Variants in LY6D observed in about 807,000 individuals in gnomAD.
LY6D encodes the protein lymphocyte antigen 6D.
Under a neutral mutation model 5.6 loss-of-function variants are expected in LY6D, and 7 were observed. That is an observed-to-expected ratio of 1.24 (90% confidence interval 0.71 to 2.34). LY6D has a LOEUF of 2.34. Ranked by LOEUF, LY6D falls within the 30% of genes most tolerant of loss-of-function variation. LY6D has a pLI of 0.00. For synonymous variants in LY6D, 81 were observed against 75.0 expected, an observed-to-expected ratio of 1.08 and a Z score of -0.41; for missense variants, 148 against 164.8, an observed-to-expected ratio of 0.90 and a Z score of 0.56.
rs1815640922 is a variant in LY6D at position 142,785,570 on chromosome 8, C to T, written c.151+19G>A. 1 of 1,612,812 alleles carries T rather than the reference C, an allele frequency of 6.2e-7. No homozygotes were observed. The highest frequency in any genetic ancestry group is 1.1e-5 in the South Asian group (1 of 91,048). The stretch of plus-strand genomic sequence containing the variant: ...GGATGTCCCCCAGCCCCAGGGACAC[C>T]TGGACAGATGCTACCCACCTGTGTT... On this transcript the variant is annotated intron_variant, in intron 2 of 2. Transcript: ENST00000301263.
chr8:142,785,400 T>C lies in LY6D; in HGVS notation c.208A>G (p.Ser70Gly). ...CTGACCTGGCCTTGCAGGGTGTAGCTGGGTGTGCACGACTCCGCACAGTCC... is the reference window on the plus strand; with the variant it reads ...CTGACCTGGCCTTGCAGGGTGTAGCCGGGTGTGCACGACTCCGCACAGTCC... ...KKDCAESCTP[S>G]YTLQGQVSSG... Residue 70 changes from serine (S) to glycine (G), a missense_variant, in exon 3 of 3, where the codon AGC (serine) becomes GGC (glycine). Physicochemically the swap from Ser to Gly is moderately conservative, Grantham distance 56. Transcript: ENST00000301263. 4 of 1,613,510 alleles carry C rather than the reference T, an allele frequency of 2.5e-6. No individual in the cohort carries two copies. The highest frequency in any genetic ancestry group is 3.4e-6 in the Non-Finnish European group (4 of 1,179,966).
Position 142,785,588 on chromosome 8 carries a change from C to A in LY6D, c.151+1G>T. On this transcript the variant is annotated splice_donor_variant, in intron 2 of 2. Coordinates refer to ENST00000301263, the MANE Select transcript of LY6D (RefSeq NM_003695.3). LOFTEE classifies it high-confidence loss of function. ...GGGACACCTGGACAGATGCTACCCACCTGTGTTCGTGGTCTTGCAGAAGCG... is the reference window on the plus strand; with the variant it reads ...GGGACACCTGGACAGATGCTACCCAACTGTGTTCGTGGTCTTGCAGAAGCG... The A allele has an allele frequency of 6.2e-7, 1 of 1,613,558 alleles. No homozygotes were observed. Among genetic ancestry groups the A allele is most frequent in the East Asian group, 2.2e-5 (1 of 44,884 alleles).
chr8:142,785,612 C>A lies in LY6D; in HGVS notation c.128G>T (p.Arg43Leu). The A allele has an allele frequency of 6.2e-7, 1 of 1,613,650 alleles. No individual in the cohort carries two copies. Among genetic ancestry groups the A allele is most frequent in the Non-Finnish European group, 8.5e-7 (1 of 1,179,974 alleles). The change falls in exon 2 of 3, where the codon CGC becomes CTC. Residue 43 changes from arginine (R) to leucine (L), a missense_variant. Transcript: ENST00000301263. The stretch of plus-strand genomic sequence containing the variant: ...ACCTGTGTTCGTGGTCTTGCAGAAG[C>A]GAGAGCTGGCCGGGCAGACCACAGA... ...KHSVVCPASS[R>L]FCKTTNTVEP...
intron 1 of LY6D, 27 bp downstream of exon 1, chr8:142,786,438 G>GC: frequency 8.4e-7 from 1 of 1,190,526 alleles, no homozygotes; most frequent in African/African-American, 1.6e-5. Flanking sequence ...CCGCCCACCC[G>GC]CCCGTCCCCT....
Position 142,784,932 on chromosome 8 carries a change from G to C in LY6D, c.*289C>G. On this transcript the variant is annotated 3_prime_UTR_variant, in exon 3 of 3. Coordinates refer to ENST00000301263, the MANE Select transcript of LY6D (RefSeq NM_003695.3). ...TAGAGATTTGAGTACAAAAATAAACGGCAACAAAACAGAAGGAGTGTGAAA... is the reference window on the plus strand; with the variant it reads ...TAGAGATTTGAGTACAAAAATAAACCGCAACAAAACAGAAGGAGTGTGAAA... 2.3e-6 allele frequency: 1 copy of C among 440,258 alleles called. No homozygotes were observed. The highest frequency in any genetic ancestry group is 3.4e-5 in the East Asian group (1 of 29,160). 27.3% of individuals were successfully genotyped at this position (440,258 alleles called of 1,614,324 possible). A position where few individuals can be genotyped will look rare whatever the true frequency, so the allele number is the denominator to read the frequency against.
At position 142,786,445 on chromosome 8, in the gene LY6D, C is replaced by T. The variant is rs771568522; in HGVS notation, c.52+20G>A. On this transcript the variant is annotated intron_variant, in intron 1 of 2. Transcript: ENST00000301263. ...GGCCACAGCCGCCCACCCGCCCGTC[C>T]CCTTGGCCCAGCCCCTCACCTGGCC... The T allele has an allele frequency of 1.3e-6, 2 of 1,534,000 alleles. No homozygotes were observed. Among genetic ancestry groups the T allele is most frequent in the Non-Finnish European group, 1.8e-6 (2 of 1,137,282 alleles).
intron 1 of LY6D, 52 bp downstream of exon 1, chr8:142,786,413 C>T: frequency 6.6e-7 from 1 of 1,516,478 alleles, no homozygotes; most frequent in Non-Finnish European, 8.9e-7. Context: ...TATTTGGTGA[C>T]CACACAGGCC....
intron 1 of LY6D, chr8:142,785,950 G>C: frequency 7.4e-7 from 1 of 1,344,548 alleles, no homozygotes; most frequent in Non-Finnish European, 9.6e-7. Flanking sequence ...TTTCCTCCAA[G>C]GTCTCAGGGA....
At chr8:142,786,338 A>G in intron 1 of LY6D, 127 bp downstream of exon 1, 2 of 1,381,864 alleles carry the variant, frequency 1.4e-6, no homozygotes, top group South Asian at 3.4e-5. Context: ...TTTAAATTTG[A>G]AGAGTCTAGC....
At position 142,785,597 on chromosome 8, in the gene LY6D, G is replaced by A. The variant is rs769479466; in HGVS notation, c.143C>T (p.Thr48Met). The change falls in exon 2 of 3, where the codon ACG (threonine) becomes ATG (methionine). Residue 48 changes from threonine (T) to methionine (M), a missense_variant. Transcript: ENST00000301263. ...CPASSRFCKT[T>M]NTVEPLRGNL... ...GGACAGATGCTACCCACCTGTGTTC[G>A]TGGTCTTGCAGAAGCGAGAGCTGGC... 1.6e-5 allele frequency: 26 copies of A among 1,613,516 alleles called. No homozygotes were observed. The highest frequency in any genetic ancestry group is 8.0e-5 in the African/African-American group (6 of 74,924).
intron 1 of LY6D, 68 bp from the exon 2 acceptor site, chr8:142,785,755 C>T (rs985518654): frequency 2.5e-6 from 4 of 1,586,742 alleles, no homozygotes; most frequent in Non-Finnish European, 1.7e-6. Context: ...AGGGCCTGCT[C>T]CCCCACCTGC....
chr8:142,786,071 C>T, intron 1 of LY6D: 1 of 1,189,402 alleles, frequency 8.4e-7, no homozygotes, highest in East Asian at 4.4e-5. Context: ...CCGGGGGCAG[C>T]CAGCTTGGCT....
At position 142,785,420 on chromosome 8, in the gene LY6D, C is replaced by G; in HGVS notation, c.188G>C (p.Cys63Ser). Residue 63 changes from cysteine (C) to serine (S), a missense_variant, in exon 3 of 3, where the codon TGT becomes TCT. Physicochemically the swap from Cys to Ser is moderately radical, Grantham distance 112. Transcript: ENST00000301263. ...GTAGCTGGGTGTGCACGACTCCGCA[C>G]AGTCCTTCTTCACCAGATTCCCCCT... ...PLRGNLVKKD[C>S]AESCTPSYTL... 1 of 1,613,392 alleles carries G rather than the reference C, an allele frequency of 6.2e-7. No homozygotes were observed. Among genetic ancestry groups the G allele is most frequent in the Non-Finnish European group, 8.5e-7 (1 of 1,179,894 alleles).
chr8:142,785,870 A>G, intron 1 of LY6D, 183 bp from the exon 2 acceptor site: 1 of 1,429,130 alleles, frequency 7.0e-7, no homozygotes, highest in Non-Finnish European at 9.1e-7. Flanking sequence ...CTCAGGGGAC[A>G]TGTATTCCAG....
intron 1 of LY6D, chr8:142,786,142 G>T (rs1483674872): frequency 6.5e-6 from 8 of 1,239,628 alleles, no homozygotes; most frequent in Non-Finnish European, 7.1e-6. Flanking sequence ...CTGTGCTGGG[G>T]GAGACCTGGG....
At position 142,786,487 on chromosome 8, in the gene LY6D, G is replaced by A. The variant is rs1431754881; in HGVS notation, c.30C>T (p.Ala10=). ...CACCTGGCCCTGTAGCCACAGCCAGGGCTGCAAGGAGCAGCAATGCTGTCC... is the reference window on the plus strand; with the variant it reads ...CACCTGGCCCTGTAGCCACAGCCAGAGCTGCAAGGAGCAGCAATGCTGTCC... The part of the protein sequence containing the change: MRTALLLLA[A]LAVATGPALT... The change falls in exon 1 of 3, where the codon GCC becomes GCT. Residue 10 remains alanine, a synonymous_variant. Transcript: ENST00000301263. 4 of 1,548,996 alleles carry A rather than the reference G, an allele frequency of 2.6e-6. No individual in the cohort carries two copies. Among genetic ancestry groups the A allele is most frequent in the Non-Finnish European group, 3.5e-6 (4 of 1,146,056 alleles).
At chr8:142,785,735 G>A in intron 1 of LY6D, 48 bp from the exon 2 acceptor site, 8 of 1,607,506 alleles carry the variant, frequency 5.0e-6, no homozygotes, top group Non-Finnish European at 6.8e-6. Context: ...AGGCCTCCTG[G>A]TGACTCAGCA....
rs1815626965 is a variant in LY6D, at chr8:142,785,148, G to C, written c.*73C>G. 8.0e-7 allele frequency: 1 copy of C among 1,242,796 alleles called. No individual in the cohort carries two copies. The highest frequency in any genetic ancestry group is 2.4e-5 in the Admixed American group (1 of 41,584). 77.0% of individuals were successfully genotyped at this position (1,242,796 alleles called of 1,614,324 possible). A position where few individuals can be genotyped will look rare whatever the true frequency, so the allele number is the denominator to read the frequency against. On this transcript the variant is annotated 3_prime_UTR_variant, in exon 3 of 3. Coordinates refer to ENST00000301263, the MANE Select transcript of LY6D (RefSeq NM_003695.3). The stretch of plus-strand genomic sequence containing the variant: ...TGGGGCTCCTGGCACCCCCGTTGCG[G>C]CTGGGGAAGAGAGGTGTGGAATCCC...
In LY6D at chr8:142,786,336, T is replaced by C. The variant is rs1406499833; in HGVS notation, c.52+129A>G. The C allele has an allele frequency of 1.4e-5, 20 of 1,381,856 alleles. 1 individual carries two copies. In the Middle Eastern group the frequency reaches 5.6e-4, roughly 39 times the overall value. The allele number at this position is 1,381,856 out of a possible 1,614,324, so 85.6% of individuals were successfully genotyped here. A position where few individuals can be genotyped will look rare whatever the true frequency, so the allele number is the denominator to read the frequency against. ...TTCGGGCTCCATGTTGTTTTAAATTTGAAGAGTCTAGCACCCACAGTGTCG... is the reference window on the plus strand; with the variant it reads ...TTCGGGCTCCATGTTGTTTTAAATTCGAAGAGTCTAGCACCCACAGTGTCG... On this transcript the variant is annotated intron_variant, in intron 1 of 2. Coordinates refer to ENST00000301263, the MANE Select transcript of LY6D (RefSeq NM_003695.3).
Sources: gnomAD v4.1 joint callset for allele counts on GRCh38, gnomAD v4.1.1 for gene constraint, MANE v1.5 for transcripts, NCBI Gene and HGNC (gene_info 2026-07-23, HGNC 2026-07-21) for gene names.